The following DENND5B variants were observed in gnomAD, a reference collection of about 807,000 sequenced individuals.
The protein encoded by DENND5B is DENN domain containing 5B.
In DENND5B, 34 loss-of-function variants were observed where a neutral mutation model predicts 140.6. The observed-to-expected ratio is 0.24, with a 90% CI of 0.18 to 0.32. The LOEUF (loss-of-function observed/expected upper bound fraction) is 0.32. Among genes scored for constraint, DENND5B ranks in the 10% least tolerant of loss-of-function variants. The pLI, the probability that DENND5B is intolerant of heterozygous loss-of-function variation, is 1.00. For missense variants in DENND5B, 1,142 were observed against 1,560.2 expected, an observed-to-expected ratio of 0.73 and a Z score of 4.52; for synonymous variants, 551 against 562.1, an observed-to-expected ratio of 0.98 and a Z score of 0.28.
rs554036046 is a variant in DENND5B, at chr12:31,418,739, G to A, written c.2471-3291C>T. Among the ~76,000 whole-genome samples, 3 of 152,256 alleles carry A rather than the reference G, an allele frequency of 2.0e-5. No individual in the cohort carries two copies. The East Asian group carries it at 5.8e-4, about 29-fold the overall frequency. The stretch of plus-strand genomic sequence containing the variant: ...GGGGAGTTGAAACCATAATTAACAA[G>A]TTGGCTAGAGGGAGACACGACAACC... On this transcript the variant is annotated intron_variant, in intron 11 of 20. Transcript: ENST00000389082.
chr12:31,436,913 C>A (rs80151082), intron 7 of DENND5B, among the ~76,000 whole-genome samples: 3,109 of 152,310 alleles, frequency 0.02, 56 homozygotes, highest in South Asian at 0.053. Flanking sequence ...ATGAAGTTTT[C>A]TCCCAACTTT....
chr12:31,583,824 A>G (rs1380002936), intron 1 of DENND5B, among the ~76,000 whole-genome samples: 2 of 152,232 alleles, frequency 1.3e-5, no homozygotes, highest in African/African-American at 2.4e-5. Context: ...CCACTTACGT[A>G]TGTACTCCAG....
At chr12:31,399,193 C>A (rs1469562737) in intron 16 of DENND5B, among the ~76,000 whole-genome samples, 37 of 91,834 alleles carry the variant, frequency 4.0e-4, no homozygotes, top group South Asian at 1.4e-3. Flanking sequence ...TTTTGTATGA[C>A]ATAAACAAAA....
At chr12:31,431,233 G>A (rs963925459) in intron 8 of DENND5B, among the ~76,000 whole-genome samples, 1 of 152,080 alleles carries the variant, frequency 6.6e-6, no homozygotes, top group Non-Finnish European at 1.5e-5. Flanking sequence ...TTTAATACAG[G>A]CTCTCCCAGA....
intron 2 of DENND5B, among the ~76,000 whole-genome samples, chr12:31,491,652 T>C (rs1383934665): frequency 1.3e-5 from 2 of 152,214 alleles, no homozygotes; most frequent in Non-Finnish European, 2.9e-5. Context: ...ATTGACTGTT[T>C]ATTGTATTGT....
chr12:31,471,132 GCTGGTCAGGGCGTGACAA>G lies in DENND5B; in HGVS notation c.904+8439_904+8456del, dbSNP rs574838581. Among the ~76,000 whole-genome samples the G allele has an allele frequency of 6.4e-3, 973 of 152,296 alleles. 9 individuals are homozygous for G. Among genetic ancestry groups the G allele is most frequent in the African/African-American group, 0.022 (927 of 41,568 alleles). On this transcript the variant is annotated intron_variant, in intron 3 of 20. Transcript: ENST00000389082. ...GATGCTGGACCAAGCTCAGATTTCT[GCTGGTCAGGGCGTGACAA>G]CTAGCCTCAAAGCCACTCCCAACGG...
chr12:31,394,709 G>C (rs1423040254), intron 17 of DENND5B, among the ~76,000 whole-genome samples: 1 of 151,478 alleles, frequency 6.6e-6, no homozygotes, highest in East Asian at 1.9e-4. Flanking sequence ...CGCCTCCCGG[G>C]TTCACGCCAT....
chr12:31,498,060 T>C (rs1043105084), intron 1 of DENND5B, among the ~76,000 whole-genome samples: 4 of 152,048 alleles, frequency 2.6e-5, no homozygotes, highest in African/African-American at 9.7e-5. Flanking sequence ...AAAAACAAAA[T>C]TCCTCCCAGT....
intron 17 of DENND5B, among the ~76,000 whole-genome samples, chr12:31,396,974 G>T (rs1941509767): frequency 6.6e-6 from 1 of 152,068 alleles, no homozygotes; most frequent in African/African-American, 2.4e-5. Flanking sequence ...TATCACATCT[G>T]CAAAAATCCT....
At chr12:31,520,599 G>A (rs1414472938) in intron 1 of DENND5B, among the ~76,000 whole-genome samples, 1 of 152,046 alleles carries the variant, frequency 6.6e-6, no homozygotes, top group Non-Finnish European at 1.5e-5. Flanking sequence ...GGAGTACAGT[G>A]GTGTGATCTC....
rs1156405946 is a variant in DENND5B at position 31,386,524 on chromosome 12, A to G, written c.*1079T>C. ...GCCCTGAAACACCCAGAAAGGGTTCATTCTCTCTCTCCTTCTGTTATTTGC... is the reference window on the plus strand; with the variant it reads ...GCCCTGAAACACCCAGAAAGGGTTCGTTCTCTCTCTCCTTCTGTTATTTGC... On this transcript the variant is annotated 3_prime_UTR_variant, in exon 21 of 21. Transcript: ENST00000389082. The G allele has an allele frequency of 6.6e-6, 1 of 152,206 alleles. No individual in the cohort carries two copies. Among genetic ancestry groups the G allele is most frequent in the Non-Finnish European group, 1.5e-5 (1 of 68,038 alleles). 9.4% of individuals were successfully genotyped at this position (152,206 alleles called of 1,614,324 possible).
Position 31,422,442 on chromosome 12 carries a change from T to TA in DENND5B, c.2470+1154dup, listed in dbSNP as rs960209692. On this transcript the variant is annotated intron_variant, in intron 11 of 20. Coordinates refer to ENST00000389082, the MANE Select transcript of DENND5B (RefSeq NM_144973.4). ...GAGACTGTGTCTCAAAAATAAAAAT[T>TA]AAAAAAAAAAATAGCCGGGCATGGG... Among the ~76,000 whole-genome samples the TA allele has an allele frequency of 9.2e-3, 1,191 of 128,908 alleles. 4 individuals are homozygous for TA. The highest frequency in any genetic ancestry group is 0.014 in the Non-Finnish European group (829 of 60,328). 84.6% of individuals were successfully genotyped at this position (128,908 alleles called of 152,430 possible).
rs1005936921 is a variant in DENND5B at position 31,409,207 on chromosome 12, G to T, written c.2803+56C>A. ...ATATCTTGCTTTAAAAAATATAAAT[G>T]CTTTTATTGCATTGGTCACCTCAGT... On this transcript the variant is annotated intron_variant, in intron 14 of 20. Transcript: ENST00000389082. 1.0e-5 allele frequency: 15 copies of T among 1,478,356 alleles called. No individual in the cohort carries two copies. The African/African-American group carries it at 2.1e-4, about 21-fold the overall frequency. The allele number at this position is 1,478,356 out of a possible 1,614,324, so 91.6% of individuals were successfully genotyped here.
chr12:31,459,627 A>G (rs1180026112), intron 4 of DENND5B, among the ~76,000 whole-genome samples: 1 of 152,158 alleles, frequency 6.6e-6, no homozygotes, highest in East Asian at 1.9e-4. Context: ...CAACACACAG[A>G]AAGTATAACT....
intron 2 of DENND5B, among the ~76,000 whole-genome samples, chr12:31,492,910 T>G (rs1429461391): frequency 1.3e-5 from 2 of 152,230 alleles, no homozygotes; most frequent in Non-Finnish European, 2.9e-5. Flanking sequence ...CTCTGATTAT[T>G]TTAGTATTGT....
intron 1 of DENND5B, among the ~76,000 whole-genome samples, chr12:31,536,024 T>A (rs1244637661): frequency 6.6e-6 from 1 of 152,116 alleles, no homozygotes; most frequent in African/African-American, 2.4e-5. Flanking sequence ...TCTGGTTGTT[T>A]AGAAGTGTGT....
At chr12:31,577,584 G>A (rs554613362) in intron 1 of DENND5B, among the ~76,000 whole-genome samples, 6 of 149,708 alleles carry the variant, frequency 4.0e-5, no homozygotes, top group South Asian at 4.3e-4. Context: ...GGTGGCGGGC[G>A]CCTGTAGTCC....
At chr12:31,557,814 C>CAAAAA (rs71445804) in intron 1 of DENND5B, among the ~76,000 whole-genome samples, 5 of 80,958 alleles carry the variant, frequency 6.2e-5, no homozygotes, top group South Asian at 5.2e-4. Flanking sequence ...GCTGTGGTGG[C>CAAAAA]AAAAAAAAAA....
At chr12:31,549,829 G>C (rs1948981039) in intron 1 of DENND5B, among the ~76,000 whole-genome samples, 1 of 152,086 alleles carries the variant, frequency 6.6e-6, no homozygotes, top group Admixed American at 6.6e-5. Context: ...TTAGTTTGCT[G>C]AGGATAATGG....
Sources: allele counts gnomAD v4.1 joint callset (sites outside exome capture counted in the v4.1 genomes callset), GRCh38; gene constraint gnomAD v4.1.1; transcripts MANE v1.5; gene names NCBI Gene and HGNC (gene_info 2026-07-23, HGNC 2026-07-21).